The following CCDC158 variants were observed in gnomAD, a reference collection of about 807,000 sequenced individuals.
The protein encoded by CCDC158 is coiled-coil domain containing 158.
CCDC158 carries 116 observed loss-of-function variants against 138.6 expected under a neutral mutation model. The ratio of observed to expected loss-of-function variants is 0.84; its 90% CI spans 0.72 to 0.98. The LOEUF (loss-of-function observed/expected upper bound fraction) is 0.98. CCDC158 is among the 50% of genes least tolerant of loss of function. The pLI, the probability that CCDC158 is intolerant of heterozygous loss-of-function variation, is 0.00. For synonymous variants in CCDC158, 436 were observed against 442.4 expected, an observed-to-expected ratio of 0.99 and a Z score of 0.18; for missense variants, 1,265 against 1,306.1, an observed-to-expected ratio of 0.97 and a Z score of 0.48.
At chr4:76,350,953 G>A (rs2110169320) in intron 18 of CCDC158, 43 bp downstream of exon 18, 3 of 1,565,334 alleles carry the variant, frequency 1.9e-6, no homozygotes, top group Non-Finnish European at 1.7e-6. Flanking sequence ...AATTACTTAC[G>A]CATATGTCAT....
chr4:76,406,787 T>C (rs1728862409), intron 2 of CCDC158, among the ~76,000 whole-genome samples: 1 of 151,770 alleles, frequency 6.6e-6, no homozygotes, highest in Non-Finnish European at 1.5e-5. Flanking sequence ...AAAATAATAA[T>C]GAAAATAGTA....
At chr4:76,333,842 T>C in intron 19 of CCDC158, 168 bp downstream of exon 19, 1 of 439,340 alleles carries the variant, frequency 2.3e-6, no homozygotes, top group Non-Finnish European at 4.0e-6. Flanking sequence ...TGTCAAGTTG[T>C]TTTACATTTG....
At chr4:76,409,723 C>A (rs1024609182) in intron 2 of CCDC158, among the ~76,000 whole-genome samples, 8 of 151,758 alleles carry the variant, frequency 5.3e-5, no homozygotes, top group African/African-American at 1.7e-4. Flanking sequence ...CCCAGCTATT[C>A]GGGAGGCTGA....
chr4:76,397,307 G>A (rs57987880), intron 3 of CCDC158, among the ~76,000 whole-genome samples: 34,384 of 151,948 alleles, frequency 0.23, 4,090 homozygotes, highest in Middle Eastern at 0.29. Flanking sequence ...GTGCAGATAG[G>A]GATGGGAGCA....
intron 23 of CCDC158, 43 bp from the exon 24 acceptor site, chr4:76,323,452 A>T (rs373834843): frequency 2.1e-6 from 3 of 1,405,368 alleles, no homozygotes; most frequent in Non-Finnish European, 2.9e-6. Flanking sequence ...AGTCTACTCA[A>T]CATTTCCTTT....
Position 76,359,096 on chromosome 4 carries a change from TTCTC to T in CCDC158, c.2021-1574_2021-1571del, listed in dbSNP as rs35311653. ...TTTGAAAGTGTGTAGCACCTCCCTC[TTCTC>T]TCTCTCTCTCTCTCTCTACTGCTAC... On this transcript the variant is annotated intron_variant, in intron 13 of 24. Transcript: ENST00000682701. Among the ~76,000 whole-genome samples, 85 of 149,204 alleles carry T rather than the reference TTCTC, an allele frequency of 5.7e-4. 1 individual carries two copies. The highest frequency in any genetic ancestry group is 6.0e-4 in the Admixed American group (9 of 14,950).
At position 76,384,418 on chromosome 4, in the gene CCDC158, A is replaced by G; in HGVS notation, c.399-3T>C. ...CCTGGGACTGACTCTCCCTTCGTCT[A>G]TGAAATAAATGAAAGAAAATAAATA... On this transcript the variant is annotated splice_polypyrimidine_tract_variant and splice_region_variant and intron_variant, in intron 5 of 24. Transcript: ENST00000682701. 6.3e-7 allele frequency: 1 copy of G among 1,598,758 alleles called. No homozygotes were observed. Among genetic ancestry groups the G allele is most frequent in the Non-Finnish European group, 8.5e-7 (1 of 1,171,782 alleles).
chr4:76,344,800 G>A, intron 18 of CCDC158: 2 of 1,605,620 alleles, frequency 1.2e-6, no homozygotes, highest in Non-Finnish European at 8.5e-7. Context: ...GACTTCAATG[G>A]TCCTCGAGAG....
rs1238402265 is a variant in CCDC158, at chr4:76,383,742, G to A, written c.727-4C>T. The A allele has an allele frequency of 1.2e-6, 2 of 1,609,082 alleles. No homozygotes were observed. The highest frequency in any genetic ancestry group is 1.3e-5 in the African/African-American group (1 of 74,810). Reference sequence around the variant, plus strand: ...GTGCTTCAAGTTGATCCTCTACCTGGTTTTTAAAAAGAGACACTGATTTAG... The same window carrying A: ...GTGCTTCAAGTTGATCCTCTACCTGATTTTTAAAAAGAGACACTGATTTAG... On this transcript the variant is annotated splice_polypyrimidine_tract_variant and splice_region_variant and intron_variant, in intron 6 of 24. Transcript: ENST00000682701.
chr4:76,396,351 G>A lies in CCDC158; in HGVS notation c.206C>T (p.Pro69Leu), dbSNP rs368245699. 9.3e-6 allele frequency: 15 copies of A among 1,613,712 alleles called. No homozygotes were observed. Among genetic ancestry groups the A allele is most frequent in the African/African-American group, 5.3e-5 (4 of 74,888 alleles). The change falls in exon 4 of 25, where the codon CCA becomes CTA. Residue 69 changes from proline to leucine, a missense_variant. Pro to Leu is a moderately conservative substitution (Grantham distance 98). Transcript: ENST00000682701. Reference sequence around the variant, plus strand: ...TTCAAAGTGTTCCTTTCCAGGAGATGGGATGATTTTTCTAGGAGAATCAAG... The same window carrying A: ...TTCAAAGTGTTCCTTTCCAGGAGATAGGATGATTTTTCTAGGAGAATCAAG... The part of the protein sequence containing the change: ...VELDSPRKII[P>L]SPGKEHFERV...
rs1201188445 is a variant in CCDC158, at chr4:76,421,056, G to T, written c.-208C>A. Among the ~76,000 whole-genome samples the T allele has an allele frequency of 6.6e-6, 1 of 151,946 alleles. No homozygotes were observed. The highest frequency in any genetic ancestry group is 1.5e-5 in the Non-Finnish European group (1 of 67,950). On this transcript the variant is annotated 5_prime_UTR_variant, in exon 1 of 25. Transcript: ENST00000682701. ...CCCACCTACGTCGACCTGGCGGCTG[G>T]GACGGGGCGGCTCCCCACTCTTCGC...
chr4:76,379,148 T>A (rs58333859), intron 9 of CCDC158, 142 bp downstream of exon 9: 5,459 of 405,856 alleles, frequency 0.013, 266 homozygotes, highest in African/African-American at 0.1. Flanking sequence ...AAATATAATT[T>A]AGCATGCTCT....
intron 9 of CCDC158, chr4:76,375,302 AC>A: frequency 2.6e-6 from 1 of 384,896 alleles, no homozygotes; most frequent in Non-Finnish European, 4.6e-6. Context: ...TTCTAATCTC[AC>A]ATTGATTTTA....
At chr4:76,397,369 A>G (rs1453210268) in intron 3 of CCDC158, among the ~76,000 whole-genome samples, 1 of 152,218 alleles carries the variant, frequency 6.6e-6, no homozygotes, top group Non-Finnish European at 1.5e-5. Context: ...TGAGCCATAT[A>G]AATGTTAGAT....
At chr4:76,396,240 A>G (rs769394012) in intron 4 of CCDC158, 29 bp downstream of exon 4, 12 of 1,507,322 alleles carry the variant, frequency 8.0e-6, no homozygotes, top group Non-Finnish European at 5.5e-6. Flanking sequence ...CCCAAATAGC[A>G]TCAGGTGCTA....
rs765411202 is a variant in CCDC158, at chr4:76,382,733, T to C, written c.804-13A>G. 8 of 1,522,000 alleles carry C rather than the reference T, an allele frequency of 5.3e-6. No individual in the cohort carries two copies. In the South Asian group the frequency reaches 8.1e-5, roughly 15 times the overall value. 94.3% of individuals were successfully genotyped at this position (1,522,000 alleles called of 1,614,324 possible). ...TAACTGCTCAATCCTATAAAAAGAA[T>C]GTGGTGATTGTCATTTGATACAGAA... On this transcript the variant is annotated splice_polypyrimidine_tract_variant and intron_variant, in intron 7 of 24. Coordinates refer to ENST00000682701, the MANE Select transcript of CCDC158 (RefSeq NM_001394954.1).
At chr4:76,419,419 C>T (rs542685658) in intron 1 of CCDC158, among the ~76,000 whole-genome samples, 7 of 152,282 alleles carry the variant, frequency 4.6e-5, no homozygotes, top group African/African-American at 9.6e-5. Flanking sequence ...TATCAAAACT[C>T]GGTAGCTTAA....
chr4:76,404,223 A>G (rs1030232456), intron 2 of CCDC158, among the ~76,000 whole-genome samples: 13 of 152,162 alleles, frequency 8.5e-5, no homozygotes, highest in Non-Finnish European at 1.2e-4. Context: ...CCCACCCAAC[A>G]CCACTACCCA....
At chr4:76,374,177 T>C (rs1485151516) in intron 9 of CCDC158, among the ~76,000 whole-genome samples, 1 of 152,104 alleles carries the variant, frequency 6.6e-6, no homozygotes, top group African/African-American at 2.4e-5. Flanking sequence ...AAAGTACTTC[T>C]TGTGCTCCTT....
Sources: allele counts gnomAD v4.1 joint callset (sites outside exome capture counted in the v4.1 genomes callset), GRCh38; gene constraint gnomAD v4.1.1; transcripts MANE v1.5; gene names NCBI Gene and HGNC (gene_info 2026-07-23, HGNC 2026-07-21).